Variants in VKORC1L1 observed in about 807,000 individuals in gnomAD.
VKORC1L1 encodes vitamin K epoxide reductase complex subunit 1L1.
In VKORC1L1, 2 loss-of-function variants were observed where a neutral mutation model predicts 18.9. That is an observed-to-expected ratio of 0.11 (90% confidence interval 0.04 to 0.33). VKORC1L1 has a LOEUF of 0.33. VKORC1L1 is among the 10% of genes least tolerant of loss of function. The pLI, the probability that VKORC1L1 is intolerant of heterozygous loss-of-function variation, is 1.00. For synonymous variants in VKORC1L1, 96 were observed against 100.0 expected, an observed-to-expected ratio of 0.96 and a Z score of 0.24; for missense variants, 123 against 224.1, an observed-to-expected ratio of 0.55 and a Z score of 2.88.
At chr7:65,892,925 G>A (rs1464699877) in intron 1 of VKORC1L1, among the ~76,000 whole-genome samples, 7 of 152,184 alleles carry the variant, frequency 4.6e-5, no homozygotes, top group Admixed American at 4.6e-4. Context: ...CCTTTCAGAG[G>A]CCAGGTCAAA....
intron 1 of VKORC1L1, among the ~76,000 whole-genome samples, chr7:65,882,713 A>G (rs1788948299): frequency 1.3e-5 from 2 of 152,220 alleles, no homozygotes; most frequent in African/African-American, 4.8e-5. Flanking sequence ...TGTAACATAT[A>G]AGCACATTCA....
At position 65,936,251 on chromosome 7, in the gene VKORC1L1, G is replaced by A. The variant is rs1012069992; in HGVS notation, c.195-12420G>A. Among the ~76,000 whole-genome samples the A allele has an allele frequency of 2.6e-5, 4 of 151,698 alleles. No individual in the cohort carries two copies. In the Middle Eastern group the frequency reaches 0.01, roughly 387 times the overall value. ...AATAACTGTTTTAAATCTGATTCTG[G>A]TAATTCCAGCATCTGTGTCATCTCA... On this transcript the variant is annotated intron_variant, in intron 1 of 2. Coordinates refer to ENST00000360768, the MANE Select transcript of VKORC1L1 (RefSeq NM_173517.6).
At chr7:65,953,661 G>A (rs1341892225) in intron 2 of VKORC1L1, among the ~76,000 whole-genome samples, 4 of 152,214 alleles carry the variant, frequency 2.6e-5, no homozygotes, top group Admixed American at 1.3e-4. Context: ...TTGGGAGGCT[G>A]AGGCAGGAGG....
chr7:65,927,684 G>A (rs765518710), intron 1 of VKORC1L1, among the ~76,000 whole-genome samples: 15 of 152,116 alleles, frequency 9.9e-5, no homozygotes, highest in Admixed American at 6.5e-4. Context: ...CCCAGACTTC[G>A]CCTATTGGTA....
rs140133262 is a variant in VKORC1L1 at position 65,950,969 on chromosome 7, A to G, written c.304+2189A>G. On this transcript the variant is annotated intron_variant, in intron 2 of 2. Coordinates refer to ENST00000360768, the MANE Select transcript of VKORC1L1 (RefSeq NM_173517.6). Reference sequence around the variant, plus strand: ...GTTTTCCTTTAAAGGCAAAGAACCTAAGAACAGCCTTTGACTAGATTAACT... The same window carrying G: ...GTTTTCCTTTAAAGGCAAAGAACCTGAGAACAGCCTTTGACTAGATTAACT... Among the ~76,000 whole-genome samples the G allele has an allele frequency of 4.6e-5, 7 of 152,340 alleles. No individual in the cohort carries two copies. The East Asian group carries it at 1.2e-3, about 25-fold the overall frequency.
At chr7:65,875,993 A>G (rs1049018118) in intron 1 of VKORC1L1, among the ~76,000 whole-genome samples, 2 of 152,174 alleles carry the variant, frequency 1.3e-5, no homozygotes, top group African/African-American at 4.8e-5. Context: ...TAATGAGAGA[A>G]TCTTGAGAGG....
chr7:65,916,734 G>A lies in VKORC1L1; in HGVS notation c.195-31937G>A, dbSNP rs569086849. Among the ~76,000 whole-genome samples the A allele has an allele frequency of 1.5e-4, 23 of 152,186 alleles. 1 individual carries two copies. The South Asian group carries it at 4.8e-3, about 32-fold the overall frequency. ...CTGCCTCAGCCTCCTGAGTAGCTGG[G>A]ATTACAGGCCTGCGCCACCATGCCT... is the stretch of plus-strand genomic sequence containing the variant. On this transcript the variant is annotated intron_variant, in intron 1 of 2. Coordinates refer to ENST00000360768, the MANE Select transcript of VKORC1L1 (RefSeq NM_173517.6).
At chr7:65,906,613 C>T (rs1190459720) in intron 1 of VKORC1L1, among the ~76,000 whole-genome samples, 1 of 152,146 alleles carries the variant, frequency 6.6e-6, no homozygotes, top group African/African-American at 2.4e-5. Context: ...TTATTCCTTT[C>T]CTTAATTACA....
chr7:65,903,937 A>AT (rs990219551), intron 1 of VKORC1L1, among the ~76,000 whole-genome samples: 6 of 151,972 alleles, frequency 3.9e-5, no homozygotes, highest in Non-Finnish European at 7.4e-5. Context: ...AAACATAAGA[A>AT]TTTTTTTTCC....
At chr7:65,909,144 A>T (rs1789457438) in intron 1 of VKORC1L1, among the ~76,000 whole-genome samples, 1 of 122,636 alleles carries the variant, frequency 8.2e-6, no homozygotes, top group African/African-American at 3.0e-5. Flanking sequence ...GCCCAGCCTA[A>T]TTTTTTTTTT....
chr7:65,940,275 C>A (rs1288538766), intron 1 of VKORC1L1, among the ~76,000 whole-genome samples: 1 of 152,108 alleles, frequency 6.6e-6, no homozygotes, highest in East Asian at 1.9e-4. Context: ...TCCTGAACCT[C>A]CCAAAGTTCT....
At chr7:65,919,960 A>G (rs186323251) in intron 1 of VKORC1L1, among the ~76,000 whole-genome samples, 1 of 152,130 alleles carries the variant, frequency 6.6e-6, no homozygotes, top group African/African-American at 2.4e-5. Flanking sequence ...TTCAGAGTCA[A>G]AGTCATCATC....
intron 1 of VKORC1L1, among the ~76,000 whole-genome samples, chr7:65,893,414 G>A (rs780495999): frequency 3.3e-5 from 5 of 152,070 alleles, no homozygotes; most frequent in Non-Finnish European, 7.4e-5. Context: ...GATAGCACAT[G>A]CATTTAATCC....
intron 1 of VKORC1L1, among the ~76,000 whole-genome samples, chr7:65,893,976 C>T (rs1467283270): frequency 2.7e-5 from 4 of 150,668 alleles, no homozygotes; most frequent in African/African-American, 4.9e-5. Context: ...TTTTTTGAGA[C>T]GGAGTTTCGC....
chr7:65,905,371 C>T (rs954145554), intron 1 of VKORC1L1, among the ~76,000 whole-genome samples: 10 of 151,720 alleles, frequency 6.6e-5, no homozygotes, highest in African/African-American at 1.7e-4. Flanking sequence ...AGTGCAGTGG[C>T]GCGATCTCAG....
At chr7:65,900,349 C>A (rs1789294031) in intron 1 of VKORC1L1, among the ~76,000 whole-genome samples, 1 of 150,368 alleles carries the variant, frequency 6.7e-6, no homozygotes. Flanking sequence ...GAGCTGAGAT[C>A]ATGCCACTGC....
At chr7:65,922,228 G>A (rs1028159884) in intron 1 of VKORC1L1, among the ~76,000 whole-genome samples, 5 of 149,354 alleles carry the variant, frequency 3.3e-5, no homozygotes, top group Non-Finnish European at 7.4e-5. Context: ...CCTTTCAATC[G>A]TTATTTCCCC....
chr7:65,950,074 G>T (rs1466133339), intron 2 of VKORC1L1, among the ~76,000 whole-genome samples: 2 of 151,994 alleles, frequency 1.3e-5, no homozygotes, highest in Non-Finnish European at 2.9e-5. Flanking sequence ...TTTAAGACAT[G>T]CTTTGTAAAA....
intron 1 of VKORC1L1, among the ~76,000 whole-genome samples, chr7:65,947,851 C>T (rs771973362): frequency 6.6e-6 from 1 of 151,982 alleles, no homozygotes; most frequent in African/African-American, 2.4e-5. Context: ...CCACCATGTC[C>T]GGCTAATTTT....
Sources: gnomAD v4.1 joint callset for allele counts (sites outside exome capture counted in the v4.1 genomes callset) on GRCh38, gnomAD v4.1.1 for gene constraint, MANE v1.5 for transcripts, NCBI Gene and HGNC (gene_info 2026-07-23, HGNC 2026-07-21) for gene names.